Variants in GALNT13 observed in about 807,000 individuals in gnomAD.
GALNT13 encodes UDP-GalNAc:polypeptide N-acetylgalactosaminyltransferase 13.
Under a neutral mutation model 64.2 loss-of-function variants are expected in GALNT13, and 28 were observed. The observed-to-expected ratio is 0.44, with a 90% CI of 0.32 to 0.60. The LOEUF is 0.60. Among genes scored for constraint, GALNT13 ranks in the 20% least tolerant of loss-of-function variants. The pLI is 0.05. For synonymous variants in GALNT13, 214 were observed against 224.6 expected, an observed-to-expected ratio of 0.95 and a Z score of 0.42; for missense variants, 577 against 669.8, an observed-to-expected ratio of 0.86 and a Z score of 1.53.
the GALNT13 span, among the ~76,000 whole-genome samples, chr2:153,313,663 T>A: frequency 3.3e-5 from 5 of 152,158 alleles, no homozygotes; most frequent in African/African-American, 1.2e-4. Flanking sequence ...AGTTGAGCTA[T>A]ATAACAAACC....
intron 4 of GALNT13, among the ~76,000 whole-genome samples, chr2:154,198,387 T>C (rs867716312): frequency 6.6e-6 from 1 of 152,050 alleles, no homozygotes; most frequent in South Asian, 2.1e-4. Flanking sequence ...GCTTGGTGAC[T>C]TTTTTATTGT....
chr2:153,848,054 C>T, the GALNT13 span, among the ~76,000 whole-genome samples: 1 of 152,276 alleles, frequency 6.6e-6, no homozygotes, highest in Admixed American at 6.5e-5. Context: ...ACTTCAAGCT[C>T]TTTCTAAATA....
chr2:154,332,523 T>A (rs891759671), intron 9 of GALNT13, among the ~76,000 whole-genome samples: 4 of 152,008 alleles, frequency 2.6e-5, no homozygotes, highest in African/African-American at 4.8e-5. Context: ...ATTAAAAAAA[T>A]AATATTCTTT....
At chr2:153,337,073 A>T in the GALNT13 span, among the ~76,000 whole-genome samples, 33 of 152,212 alleles carry the variant, frequency 2.2e-4, no homozygotes, top group Non-Finnish European at 7.3e-5. Context: ...AAGTGCAATT[A>T]AACCTCTTTT....
chr2:153,464,837 G>A, the GALNT13 span, among the ~76,000 whole-genome samples: 5 of 152,038 alleles, frequency 3.3e-5, no homozygotes, highest in Non-Finnish European at 7.4e-5. Context: ...CAATGCAAGT[G>A]TAACATTTTC....
intron 11 of GALNT13, among the ~76,000 whole-genome samples, chr2:154,431,440 G>GTTC (rs1700705903): frequency 2.0e-5 from 3 of 151,570 alleles, no homozygotes; most frequent in Non-Finnish European, 4.4e-5. Context: ...AATACAACTG[G>GTTC]GAAAAAAAAT....
intron 10 of GALNT13, among the ~76,000 whole-genome samples, chr2:154,403,144 C>A (rs141580290): frequency 7.2e-5 from 11 of 152,118 alleles, no homozygotes; most frequent in Non-Finnish European, 1.2e-4. Flanking sequence ...ATATTTTAGG[C>A]CTAGTGATAA....
chr2:153,871,465 G>C (rs1685928450), upstream of GALNT13, among the ~76,000 whole-genome samples: 1 of 152,232 alleles, frequency 6.6e-6, no homozygotes, highest in African/African-American at 2.4e-5. Context: ...CCGACGGCAA[G>C]GGTGGGGTTG....
At chr2:154,443,570 A>G (rs1341690909) in intron 12 of GALNT13, among the ~76,000 whole-genome samples, 1 of 152,070 alleles carries the variant, frequency 6.6e-6, no homozygotes, top group African/African-American at 2.4e-5. Flanking sequence ...ATTGGCTCTT[A>G]AATCAACTAT....
chr2:153,473,097 T>C, the GALNT13 span, among the ~76,000 whole-genome samples: 1 of 152,056 alleles, frequency 6.6e-6, no homozygotes, highest in East Asian at 1.9e-4. Flanking sequence ...GACGGACCGA[T>C]GGGTGCAGCA....
the GALNT13 span, among the ~76,000 whole-genome samples, chr2:153,500,171 G>T: frequency 6.6e-6 from 1 of 152,128 alleles, no homozygotes; most frequent in African/African-American, 2.4e-5. Context: ...CATGTTTTGG[G>T]GAAAACAGCA....
At chr2:153,087,528 T>C in the GALNT13 span, among the ~76,000 whole-genome samples, 1 of 152,186 alleles carries the variant, frequency 6.6e-6, no homozygotes, top group South Asian at 2.1e-4. Flanking sequence ...TCTGTCTGTC[T>C]TTTAGAATAG....
intron 9 of GALNT13, among the ~76,000 whole-genome samples, chr2:154,320,018 C>G (rs1426057064): frequency 6.6e-6 from 1 of 151,860 alleles, no homozygotes; most frequent in Non-Finnish European, 1.5e-5. Context: ...ATATATATAT[C>G]CCTCATATAT....
At chr2:153,352,624 A>C in the GALNT13 span, among the ~76,000 whole-genome samples, 1 of 151,982 alleles carries the variant, frequency 6.6e-6, no homozygotes, top group Non-Finnish European at 1.5e-5. Flanking sequence ...TTTTGAGTTA[A>C]TTTTTGTAAA....
intron 3 of GALNT13, among the ~76,000 whole-genome samples, chr2:154,133,934 C>T (rs914071924): frequency 8.5e-5 from 13 of 152,062 alleles, no homozygotes; most frequent in African/African-American, 3.1e-4. Context: ...TGGCTCTCTT[C>T]CAAGCAGTGA....
the GALNT13 span, among the ~76,000 whole-genome samples, chr2:153,569,482 T>C: frequency 2.0e-5 from 3 of 151,706 alleles, no homozygotes; most frequent in South Asian, 2.1e-4. Context: ...GTGGCATGAA[T>C]GTCTTCTCCA....
chr2:153,210,505 T>G, the GALNT13 span, among the ~76,000 whole-genome samples: 2 of 152,180 alleles, frequency 1.3e-5, no homozygotes, highest in Non-Finnish European at 2.9e-5. Context: ...TAAACACTAG[T>G]GGATCATGAT....
At chr2:153,367,013 AAAC>A in the GALNT13 span, among the ~76,000 whole-genome samples, 1 of 48,432 alleles carries the variant, frequency 2.1e-5, no homozygotes, top group Non-Finnish European at 5.4e-5. Context: ...GCAAACAAAC[AAAC>A]AAAAAAAAAA....
chr2:153,277,826 T>C, the GALNT13 span, among the ~76,000 whole-genome samples: 1 of 151,820 alleles, frequency 6.6e-6, no homozygotes, highest in Non-Finnish European at 1.5e-5. Context: ...GTATGTCTTA[T>C]TTTGAGAAGT....
Sources: gnomAD v4.1 joint callset for allele counts (sites outside exome capture counted in the v4.1 genomes callset) on GRCh38, gnomAD v4.1.1 for gene constraint, MANE v1.5 for transcripts, NCBI Gene and HGNC (gene_info 2026-07-23, HGNC 2026-07-21) for gene names.